The following ROBO2 variants were observed in gnomAD, a reference collection of about 807,000 sequenced individuals.
ROBO2 encodes the protein roundabout homolog 2.
ROBO2 carries 53 observed loss-of-function variants against 160.8 expected under a neutral mutation model. The ratio of observed to expected loss-of-function variants is 0.33; its 90% CI spans 0.26 to 0.41. The LOEUF is 0.41. Ranked by LOEUF, ROBO2 falls within the 10% of genes least tolerant of loss-of-function variation. The pLI, the probability that ROBO2 is intolerant of heterozygous loss-of-function variation, is 1.00. For missense variants in ROBO2, 1,577 were observed against 1,722.4 expected, an observed-to-expected ratio of 0.92 and a Z score of 1.49; for synonymous variants, 664 against 611.7, an observed-to-expected ratio of 1.09 and a Z score of -1.26.
In ROBO2 at chr3:76,477,870, G is replaced by C. The variant is rs146366133; in HGVS notation, c.109+540268G>C. Among the ~76,000 whole-genome samples the C allele has an allele frequency of 8.1e-3, 1,233 of 151,616 alleles. 20 individuals are homozygous for C. The highest frequency in any genetic ancestry group is 0.028 in the African/African-American group (1,152 of 41,314). On this transcript the variant is annotated intron_variant, in intron 2 of 26. Transcript: ENST00000487694. ...AATTCTTCCATTTCTTTCTACATTT[G>C]TTGCAGAAACCAATGAGGGAATTTA...
At chr3:75,925,975 A>G (rs941758751) in intron 1 of ROBO2, among the ~76,000 whole-genome samples, 2 of 152,208 alleles carry the variant, frequency 1.3e-5, no homozygotes, top group African/African-American at 4.8e-5. Flanking sequence ...GTAAACAAAA[A>G]TGTTCCTTTT....
intron 2 of ROBO2, among the ~76,000 whole-genome samples, chr3:76,826,414 C>T (rs2066592125): frequency 6.6e-6 from 1 of 152,054 alleles, no homozygotes; most frequent in Non-Finnish European, 1.5e-5. Context: ...AATTACCCTC[C>T]AGTAATCAGT....
chr3:76,951,088 C>A (rs2078927608), intron 2 of ROBO2, among the ~76,000 whole-genome samples: 1 of 152,132 alleles, frequency 6.6e-6, no homozygotes. Context: ...TTAGTCACTT[C>A]TTTCATAATA....
At chr3:76,109,469 C>T (rs898122453) in intron 2 of ROBO2, among the ~76,000 whole-genome samples, 5 of 152,006 alleles carry the variant, frequency 3.3e-5, no homozygotes, top group Admixed American at 1.3e-4. Context: ...GCAAAGCAGG[C>T]ATCACCCTAA....
chr3:77,445,885 T>C (rs1292250164), intron 2 of ROBO2, among the ~76,000 whole-genome samples: 1 of 151,390 alleles, frequency 6.6e-6, no homozygotes, highest in East Asian at 1.9e-4. Context: ...CTGTGTCTAG[T>C]ATACTGTACA....
intron 2 of ROBO2, among the ~76,000 whole-genome samples, chr3:77,234,244 T>C (rs1370001257): frequency 6.6e-6 from 1 of 152,178 alleles, no homozygotes; most frequent in Non-Finnish European, 1.5e-5. Context: ...AATCTGATTC[T>C]TCCCCCTCCC....
intron 1 of ROBO2, among the ~76,000 whole-genome samples, chr3:77,090,377 G>A (rs923890713): frequency 4.5e-5 from 4 of 88,844 alleles, no homozygotes; most frequent in East Asian, 2.7e-4. Context: ...TTTTTGAGAC[G>A]GAGTTTCGCT....
At chr3:77,025,396 A>G (rs1452374122) in intron 2 of ROBO2, among the ~76,000 whole-genome samples, 13 of 152,200 alleles carry the variant, frequency 8.5e-5, no homozygotes, top group Non-Finnish European at 1.6e-4. Context: ...AATTTTGTGG[A>G]AGCTTTCCAG....
chr3:76,737,245 G>T (rs531499292), intron 2 of ROBO2, among the ~76,000 whole-genome samples: 153 of 151,992 alleles, frequency 1.0e-3, no homozygotes, highest in African/African-American at 3.6e-3. Flanking sequence ...TTTATAGTAA[G>T]AAAGAGACTT....
At chr3:77,094,403 G>A (rs191425495) in intron 1 of ROBO2, among the ~76,000 whole-genome samples, 9 of 152,242 alleles carry the variant, frequency 5.9e-5, no homozygotes, top group South Asian at 4.1e-4. Flanking sequence ...GGATATTTAT[G>A]CTGTTGATTC....
intron 2 of ROBO2, among the ~76,000 whole-genome samples, chr3:76,301,203 G>T (rs914034163): frequency 6.6e-6 from 1 of 152,072 alleles, no homozygotes; most frequent in Non-Finnish European, 1.5e-5. Context: ...AAGAAATTCA[G>T]ATTATTTAGC....
At chr3:76,888,851 T>C (rs1020217787) in intron 2 of ROBO2, among the ~76,000 whole-genome samples, 4 of 152,182 alleles carry the variant, frequency 2.6e-5, no homozygotes, top group Non-Finnish European at 4.4e-5. Flanking sequence ...TCCTCTAATC[T>C]CTGTGCAACC....
intron 2 of ROBO2, among the ~76,000 whole-genome samples, chr3:76,620,493 T>C (rs2088978783): frequency 6.6e-6 from 1 of 152,184 alleles, no homozygotes; most frequent in Non-Finnish European, 1.5e-5. Context: ...TGCTGTATTT[T>C]ACATGACTGA....
intron 2 of ROBO2, among the ~76,000 whole-genome samples, chr3:76,255,157 T>C (rs1706277937): frequency 6.6e-6 from 1 of 152,042 alleles, no homozygotes; most frequent in South Asian, 2.1e-4. Context: ...GTTAAATAAA[T>C]AAATCGACCT....
intron 5 of ROBO2, among the ~76,000 whole-genome samples, chr3:77,497,203 A>G (rs778053650): frequency 6.6e-6 from 1 of 152,110 alleles, no homozygotes; most frequent in Non-Finnish European, 1.5e-5. Flanking sequence ...TGAGTATTTC[A>G]GGAAGCATAC....
chr3:76,240,006 T>A (rs1705191290), intron 2 of ROBO2, among the ~76,000 whole-genome samples: 1 of 151,982 alleles, frequency 6.6e-6, no homozygotes, highest in Non-Finnish European at 1.5e-5. Flanking sequence ...AGAAAAGCAG[T>A]TGCCAAGGAG....
chr3:76,098,074 C>T (rs2069527750), intron 2 of ROBO2, among the ~76,000 whole-genome samples: 1 of 152,090 alleles, frequency 6.6e-6, no homozygotes, highest in South Asian at 2.1e-4. Flanking sequence ...GTGTGGTTCA[C>T]TCTCTCCATA....
chr3:76,321,085 G>A (rs1409587310), intron 2 of ROBO2, among the ~76,000 whole-genome samples: 4 of 152,162 alleles, frequency 2.6e-5, no homozygotes, highest in African/African-American at 4.8e-5. Context: ...CAAGAATGAA[G>A]ATACATTTAG....
chr3:76,402,024 G>A (rs780066405), intron 2 of ROBO2, among the ~76,000 whole-genome samples: 48 of 151,518 alleles, frequency 3.2e-4, no homozygotes, highest in Admixed American at 1.4e-3. Flanking sequence ...GTGAATGCTT[G>A]AACAAATATA....
Sources: allele counts gnomAD v4.1 joint callset (sites outside exome capture counted in the v4.1 genomes callset), GRCh38; gene constraint gnomAD v4.1.1; transcripts MANE v1.5; gene names NCBI Gene and HGNC (gene_info 2026-07-23, HGNC 2026-07-21).